The following GPC6 variants were observed in gnomAD, a reference collection of about 807,000 sequenced individuals.
GPC6 encodes the protein glypican 6, also known as glypican-6.
A neutral mutation model predicts 55.2 loss-of-function variants in GPC6; 14 were observed. That is an observed-to-expected ratio of 0.25 (90% CI 0.17 to 0.40). The LOEUF is 0.40. Ranked by LOEUF, GPC6 falls within the 10% of genes least tolerant of loss-of-function variation. The pLI is 1.00. For synonymous variants in GPC6, 278 were observed against 259.6 expected, an observed-to-expected ratio of 1.07 and a Z score of -0.68; for missense variants, 641 against 708.5, an observed-to-expected ratio of 0.90 and a Z score of 1.08.
intron 3 of GPC6, among the ~76,000 whole-genome samples, chr13:93,955,805 A>G (rs968723228): frequency 2.0e-5 from 3 of 152,198 alleles, no homozygotes; most frequent in African/African-American, 7.2e-5. Context: ...AATTTAACAG[A>G]TATCTCTTTA....
Position 93,370,106 on chromosome 13 carries a change from C to T in GPC6, c.160+142490C>T, listed in dbSNP as rs190791835. On this transcript the variant is annotated intron_variant, in intron 1 of 8. Coordinates refer to ENST00000377047, the MANE Select transcript of GPC6 (RefSeq NM_005708.5). Reference sequence around the variant, plus strand: ...GATGCCTTTAAATTGTGGAGGAGACCGAGTACAATGCTGCATTCATTATTC... The same window carrying T: ...GATGCCTTTAAATTGTGGAGGAGACTGAGTACAATGCTGCATTCATTATTC... Among the ~76,000 whole-genome samples the T allele has an allele frequency of 3.2e-3, 486 of 152,040 alleles. 1 individual carries two copies. Among genetic ancestry groups the T allele is most frequent in the African/African-American group, 0.011 (458 of 41,494 alleles).
chr13:93,697,588 A>G (rs1404546471), intron 2 of GPC6, among the ~76,000 whole-genome samples: 2 of 152,194 alleles, frequency 1.3e-5, no homozygotes, highest in Non-Finnish European at 2.9e-5. Flanking sequence ...TATGTTAGAC[A>G]ACGAATTAGC....
chr13:93,862,982 C>T (rs551344708), intron 3 of GPC6, among the ~76,000 whole-genome samples: 13 of 151,722 alleles, frequency 8.6e-5, no homozygotes, highest in African/African-American at 3.1e-4. Context: ...AATGAATCCT[C>T]GCATGTTGTG....
At position 93,611,135 on chromosome 13, in the gene GPC6, T is replaced by A. The variant is rs149380494; in HGVS notation, c.319+65714T>A. On this transcript the variant is annotated intron_variant, in intron 2 of 8. Coordinates refer to ENST00000377047, the MANE Select transcript of GPC6 (RefSeq NM_005708.5). Reference sequence around the variant, plus strand: ...AAGTGAACATTTTTATTAGTACAATTATGTAAGAAATTACTCACTCGAGTA... The same window carrying A: ...AAGTGAACATTTTTATTAGTACAATAATGTAAGAAATTACTCACTCGAGTA... 2.9e-3 allele frequency among the ~76,000 whole-genome samples: 435 copies of A among 152,280 alleles called. 2 individuals carry two copies. Among genetic ancestry groups the A allele is most frequent in the Non-Finnish European group, 4.7e-3 (322 of 67,986 alleles).
At chr13:93,865,151 C>T (rs988860995) in intron 3 of GPC6, among the ~76,000 whole-genome samples, 1 of 151,570 alleles carries the variant, frequency 6.6e-6, no homozygotes, top group African/African-American at 2.4e-5. Flanking sequence ...TCCTTTGAGG[C>T]CCTTAGACTA....
intron 3 of GPC6, among the ~76,000 whole-genome samples, chr13:93,917,874 G>T (rs572270453): frequency 1.4e-4 from 21 of 152,246 alleles, no homozygotes; most frequent in African/African-American, 4.6e-4. Flanking sequence ...TGAGGTGGGC[G>T]GATCACAAGC....
intron 2 of GPC6, among the ~76,000 whole-genome samples, chr13:93,549,670 C>T (rs1039470509): frequency 6.6e-6 from 1 of 152,066 alleles, no homozygotes; most frequent in African/African-American, 2.4e-5. Context: ...ACCGCCTATC[C>T]CTCTATCTCA....
chr13:94,079,002 A>G (rs1369980589), intron 4 of GPC6, among the ~76,000 whole-genome samples: 1 of 152,072 alleles, frequency 6.6e-6, no homozygotes, highest in Non-Finnish European at 1.5e-5. Context: ...GGATTCTGTT[A>G]TCTGCAAATT....
At chr13:93,523,354 C>A (rs1278540479) in intron 1 of GPC6, among the ~76,000 whole-genome samples, 2 of 147,680 alleles carry the variant, frequency 1.4e-5, no homozygotes, top group African/African-American at 5.0e-5. Context: ...TGTATATAAA[C>A]ACATGTATAT....
chr13:93,496,486 G>T (rs1317562782), intron 1 of GPC6, among the ~76,000 whole-genome samples: 1 of 152,190 alleles, frequency 6.6e-6, no homozygotes, highest in Non-Finnish European at 1.5e-5. Context: ...CGTCGCTCAT[G>T]CTGGGAGCTG....
At chr13:93,459,786 T>C (rs552346511) in intron 1 of GPC6, among the ~76,000 whole-genome samples, 4 of 152,320 alleles carry the variant, frequency 2.6e-5, no homozygotes, top group African/African-American at 9.6e-5. Context: ...AGGTTCAAGC[T>C]TTAGCTTTAT....
At chr13:93,348,930 T>C (rs1381703077) in intron 1 of GPC6, among the ~76,000 whole-genome samples, 1 of 152,148 alleles carries the variant, frequency 6.6e-6, no homozygotes, top group African/African-American at 2.4e-5. Flanking sequence ...AATACATAGG[T>C]CACTAATGTT....
intron 1 of GPC6, among the ~76,000 whole-genome samples, chr13:93,247,359 T>C (rs1166504997): frequency 2.0e-5 from 3 of 152,226 alleles, no homozygotes; most frequent in African/African-American, 7.2e-5. Flanking sequence ...ACTAACAATC[T>C]GAAAATGCAG....
At chr13:94,037,350 C>T (rs1386860507) in intron 4 of GPC6, among the ~76,000 whole-genome samples, 5 of 151,868 alleles carry the variant, frequency 3.3e-5, no homozygotes, top group Non-Finnish European at 7.4e-5. Context: ...ATGCGCTTCC[C>T]GAGTTTGTCC....
At chr13:93,248,103 C>G (rs996723803) in intron 1 of GPC6, among the ~76,000 whole-genome samples, 7 of 152,076 alleles carry the variant, frequency 4.6e-5, no homozygotes, top group Non-Finnish European at 7.4e-5. Context: ...TTAGGAGTGC[C>G]AATTTATTCT....
intron 4 of GPC6, among the ~76,000 whole-genome samples, chr13:94,124,240 C>T (rs1886732400): frequency 6.6e-6 from 1 of 152,078 alleles, no homozygotes; most frequent in South Asian, 2.1e-4. Context: ...TACTTACATG[C>T]CATTCAAATT....
intron 1 of GPC6, among the ~76,000 whole-genome samples, chr13:93,469,310 T>A (rs1295210898): frequency 6.6e-6 from 1 of 152,134 alleles, no homozygotes; most frequent in Non-Finnish European, 1.5e-5. Context: ...GTTGCACAGG[T>A]CTATTAATTT....
At chr13:93,789,747 A>G (rs1376652685) in intron 2 of GPC6, among the ~76,000 whole-genome samples, 3 of 149,908 alleles carry the variant, frequency 2.0e-5, no homozygotes, top group Non-Finnish European at 4.4e-5. Flanking sequence ...CACAGAGGAC[A>G]ATGAGTTTGA....
intron 2 of GPC6, among the ~76,000 whole-genome samples, chr13:93,735,942 T>TA (rs762141415): frequency 1.1e-4 from 16 of 152,238 alleles, no homozygotes; most frequent in Non-Finnish European, 1.8e-4. Flanking sequence ...TCCTTTTGCC[T>TA]ATGGGCGTGA....
Sources: gnomAD v4.1 joint callset for allele counts (sites outside exome capture counted in the v4.1 genomes callset) on GRCh38, gnomAD v4.1.1 for gene constraint, MANE v1.5 for transcripts, NCBI Gene and HGNC (gene_info 2026-07-23, HGNC 2026-07-21) for gene names.